The following SLC22A23 variants were observed in gnomAD, a reference collection of about 807,000 sequenced individuals.
SLC22A23 encodes the protein solute carrier family 22 member 23.
Under a neutral mutation model 61.0 loss-of-function variants are expected in SLC22A23, and 26 were observed. The ratio of observed to expected loss-of-function variants is 0.43; its 90% confidence interval spans 0.31 to 0.59. The LOEUF (loss-of-function observed/expected upper bound fraction) is 0.59. SLC22A23 is among the 20% of genes least tolerant of loss of function. The pLI is 0.11. For synonymous variants in SLC22A23, 430 were observed against 413.9 expected (o/e 1.04, Z -0.47); for missense variants, 796 against 934.7 (o/e 0.85, Z 1.94).
At chr6:3,316,359 C>T (rs1215004647) in intron 4 of SLC22A23, among the ~76,000 whole-genome samples, 3 of 152,300 alleles carry the variant, frequency 2.0e-5, no homozygotes, top group East Asian at 3.9e-4. Flanking sequence ...ACGTAAGAAG[C>T]GTGCAGCTGA....
intron 3 of SLC22A23, among the ~76,000 whole-genome samples, chr6:3,357,779 T>G (rs553930635): frequency 6.6e-6 from 1 of 152,302 alleles, no homozygotes; most frequent in Non-Finnish European, 1.5e-5. Flanking sequence ...GATGCCGAGA[T>G]GAAGCCACAC....
intron 3 of SLC22A23, among the ~76,000 whole-genome samples, chr6:3,394,078 C>CTT (rs1767849120): frequency 6.6e-6 from 1 of 152,186 alleles, no homozygotes. Flanking sequence ...CCGGCAGTGA[C>CTT]CCCACTAAAG....
chr6:3,293,842 G>A (rs79161628), intron 5 of SLC22A23, among the ~76,000 whole-genome samples: 2,479 of 152,308 alleles, frequency 0.016, 71 homozygotes, highest in African/African-American at 0.056. Flanking sequence ...CAAAACCCAA[G>A]CTCTGTCATT....
At chr6:3,315,870 AAAAAG>A (rs376486965) in intron 4 of SLC22A23, among the ~76,000 whole-genome samples, 1,075 of 97,412 alleles carry the variant, frequency 0.011, 10 homozygotes, top group African/African-American at 0.016. Flanking sequence ...TCTCAAAAAA[AAAAAG>A]AAAAGAAAAG....
chr6:3,325,698 C>CT (rs1763239794), intron 3 of SLC22A23, among the ~76,000 whole-genome samples: 1 of 152,194 alleles, frequency 6.6e-6, no homozygotes, highest in South Asian at 2.1e-4. Context: ...TAAGAAAAGA[C>CT]TAACAGTTGT....
intron 5 of SLC22A23, chr6:3,291,684 A>C (rs1215914824): frequency 6.6e-6 from 1 of 152,240 alleles, no homozygotes; most frequent in Non-Finnish European, 1.5e-5. Flanking sequence ...TAATTTTATA[A>C]AGAGCTTGAA....
chr6:3,293,723 G>A (rs558862048), intron 5 of SLC22A23, among the ~76,000 whole-genome samples: 1 of 152,330 alleles, frequency 6.6e-6, no homozygotes, highest in South Asian at 2.1e-4. Context: ...CAGGTGGTGT[G>A]ACTTGGGCAA....
chr6:3,367,799 C>T (rs1352909919), intron 3 of SLC22A23, among the ~76,000 whole-genome samples: 1 of 152,198 alleles, frequency 6.6e-6, no homozygotes, highest in African/African-American at 2.4e-5. Flanking sequence ...CAGCCTCCAT[C>T]AATGCACCCA....
chr6:3,369,882 T>A (rs1456677985), intron 3 of SLC22A23, among the ~76,000 whole-genome samples: 1 of 152,220 alleles, frequency 6.6e-6, no homozygotes, highest in Non-Finnish European at 1.5e-5. Flanking sequence ...CACGACTATT[T>A]TTTCTTGTGA....
chr6:3,324,157 GT>G lies in SLC22A23; in HGVS notation c.914-156del. The G allele has an allele frequency of 1.1e-6, 1 of 887,400 alleles. No individual in the cohort carries two copies. The highest frequency in any genetic ancestry group is 1.7e-6 in the Non-Finnish European group (1 of 590,762). 55.0% of individuals were successfully genotyped at this position (887,400 alleles called of 1,614,324 possible). On this transcript the variant is annotated intron_variant, in intron 3 of 9. Coordinates refer to ENST00000406686, the MANE Select transcript of SLC22A23 (RefSeq NM_015482.2). The surrounding 1 kb of genome is among the most constrained non-coding windows in gnomAD (Gnocchi z 4.3). ...CAAGTGCCCTATGTGGTGTGCCAGT[GT>G]TTTACGGGCGCGTTGAGGCTCCAAC...
At chr6:3,314,016 C>G (rs1321810444) in intron 4 of SLC22A23, among the ~76,000 whole-genome samples, 1 of 152,138 alleles carries the variant, frequency 6.6e-6, no homozygotes, top group South Asian at 2.1e-4. Flanking sequence ...GCAATAAGAG[C>G]AGAACTCTGT....
chr6:3,317,607 T>C lies in SLC22A23; in HGVS notation c.1082+6227A>G, dbSNP rs1202349621. Among the ~76,000 whole-genome samples the C allele has an allele frequency of 6.6e-6, 1 of 152,234 alleles. No individual in the cohort carries two copies. Among genetic ancestry groups the C allele is most frequent in the East Asian group, 1.9e-4 (1 of 5,194 alleles). ...GTATGACTTCCTTCTAGATGAGCGCTAAATCCCTGCTGCTCTTTACCGAGT... is the reference window on the plus strand; with the variant it reads ...GTATGACTTCCTTCTAGATGAGCGCCAAATCCCTGCTGCTCTTTACCGAGT... On this transcript the variant is annotated intron_variant, in intron 4 of 9. Transcript: ENST00000406686. The surrounding 1 kb of genome is among the most constrained non-coding windows in gnomAD (Gnocchi z 4.4).
Position 3,441,699 on chromosome 6 carries a change from C to T in SLC22A23, c.654+14207G>A, listed in dbSNP as rs777815081. On this transcript the variant is annotated intron_variant, in intron 1 of 9. Coordinates refer to ENST00000406686, the MANE Select transcript of SLC22A23 (RefSeq NM_015482.2). ...ACTGCACCTGCCCTCCTGGGATGTG[C>T]TCGGTTCACCCCCCACCCTCAGCTC... Among the ~76,000 whole-genome samples, 69 of 152,198 alleles carry T rather than the reference C, an allele frequency of 4.5e-4. 1 individual carries two copies. Among genetic ancestry groups the T allele is most frequent in the Non-Finnish European group, 9.6e-4 (65 of 68,034 alleles).
intron 3 of SLC22A23, among the ~76,000 whole-genome samples, chr6:3,361,584 C>A (rs1765451305): frequency 6.6e-6 from 1 of 152,238 alleles, no homozygotes; most frequent in Admixed American, 6.5e-5. Context: ...CTTCTGTTCC[C>A]AGCTTTACAG....
In SLC22A23 at chr6:3,309,259, G is replaced by A. The variant is rs1009771583; in HGVS notation, c.1083-11041C>T. On this transcript the variant is annotated intron_variant, in intron 4 of 9. Transcript: ENST00000406686. The surrounding 1 kb of genome is among the most constrained non-coding windows in gnomAD (Gnocchi z 4.7). ...TGCAGTGGACCAAGGTCGTGCCGCT[G>A]CACTCTAGCCTGGGCAACAGAGTGA... Among the ~76,000 whole-genome samples the A allele has an allele frequency of 6.6e-6, 1 of 152,166 alleles. No individual in the cohort carries two copies. The highest frequency in any genetic ancestry group is 2.4e-5 in the African/African-American group (1 of 41,436).
rs1049090295 is a variant in SLC22A23, at chr6:3,342,482, C to T, written c.914-18480G>A. ...ACACCTCTTTCTCTCTCCCAGTCTG[C>T]AGAGGTCCCTGAAAACAGTGCTTCT... On this transcript the variant is annotated intron_variant, in intron 3 of 9. Coordinates refer to ENST00000406686, the MANE Select transcript of SLC22A23 (RefSeq NM_015482.2). The surrounding 1 kb of genome is among the most constrained non-coding windows in gnomAD (Gnocchi z 4.0). 3.3e-5 allele frequency among the ~76,000 whole-genome samples: 5 copies of T among 152,158 alleles called. No homozygotes were observed. Among genetic ancestry groups the T allele is most frequent in the Non-Finnish European group, 5.9e-5 (4 of 68,034 alleles).
chr6:3,332,979 G>C (rs1028370468), intron 3 of SLC22A23, among the ~76,000 whole-genome samples: 8 of 152,160 alleles, frequency 5.3e-5, no homozygotes, highest in African/African-American at 1.9e-4. Flanking sequence ...AATGTCTGGT[G>C]AGACCCAGGT....
chr6:3,352,613 A>G (rs947063236), intron 3 of SLC22A23, among the ~76,000 whole-genome samples: 8 of 152,190 alleles, frequency 5.3e-5, no homozygotes, highest in African/African-American at 1.9e-4. Flanking sequence ...TCCATCTGAA[A>G]ATGAGAAACC....
intron 9 of SLC22A23, among the ~76,000 whole-genome samples, chr6:3,274,447 G>GT (rs1019582777): frequency 6.6e-6 from 1 of 152,208 alleles, no homozygotes; most frequent in Non-Finnish European, 1.5e-5. Flanking sequence ...TGGTCCTTTG[G>GT]TTTGGGGAAG....
Sources: gnomAD v4.1 joint callset for allele counts (sites outside exome capture counted in the v4.1 genomes callset) on GRCh38, gnomAD v4.1.1 for gene constraint, Gnocchi (gnomAD v3.1) non-coding constraint, MANE v1.5 for transcripts, NCBI Gene and HGNC (gene_info 2026-07-23, HGNC 2026-07-21) for gene names.